The following SSH3 variants were observed in gnomAD, a reference collection of about 807,000 sequenced individuals.
The protein encoded by SSH3 is slingshot protein phosphatase 3.
In SSH3, 67 loss-of-function variants were observed where a neutral mutation model predicts 75.0. The ratio of observed to expected loss-of-function variants is 0.89; its 90% CI spans 0.73 to 1.10. The LOEUF is 1.10. SSH3 is among the 50% of genes least tolerant of loss of function. SSH3 has a pLI of 0.00. For missense variants in SSH3, 824 were observed against 872.7 expected (o/e 0.94, Z 0.70); for synonymous variants, 318 against 349.2 (o/e 0.91, Z 1.00).
At position 67,308,685 on chromosome 11, in the gene SSH3, A is replaced by G. The variant is rs373961024; in HGVS notation, c.1061+227A>G. Among the ~76,000 whole-genome samples, 1 of 152,004 alleles carries G rather than the reference A, an allele frequency of 6.6e-6. No individual in the cohort carries two copies. The highest frequency in any genetic ancestry group is 2.4e-5 in the African/African-American group (1 of 41,472). ...TCCTCCCCCATCCACACTGTGAAAC[A>G]AGGACAGAAACAAAGGGCCTCAGCC... On this transcript the variant is annotated intron_variant, in intron 10 of 13. Transcript: ENST00000308127. This position sits in a 1 kb window ranked among gnomAD's most constrained non-coding sequence, Gnocchi z 4.9.
At chr11:67,303,990 G>C (rs1861148831) in intron 1 of SSH3, 128 bp from the exon 2 acceptor site, 2 of 1,264,182 alleles carry the variant, frequency 1.6e-6, no homozygotes, top group Non-Finnish European at 2.2e-6. Flanking sequence ...GGTGGGGCGT[G>C]GACTGGGGTG....
Position 67,312,014 on chromosome 11 carries a change from C to T in SSH3, c.*127C>T, listed in dbSNP as rs1861426937. ...CCCCATACCCGTCACTACAGCCTCA[C>T]CTCCCACCCCTGTCACTACGGCCTC... On this transcript the variant is annotated 3_prime_UTR_variant, in exon 14 of 14. Transcript: ENST00000308127. 1.6e-6 allele frequency: 2 copies of T among 1,239,636 alleles called. No individual in the cohort carries two copies. The highest frequency in any genetic ancestry group is 1.6e-5 in the African/African-American group (1 of 62,610). 76.8% of individuals were successfully genotyped at this position (1,239,636 alleles called of 1,614,324 possible).
In SSH3 at chr11:67,308,589, C is replaced by G; in HGVS notation, c.1061+131C>G. ...CTGCTAGCTCTGCTTCTAACTCTGT[C>G]CTGGGGCTGTTGCCCTGGTGTGGGC... On this transcript the variant is annotated intron_variant, in intron 10 of 13. Transcript: ENST00000308127. This position sits in a 1 kb window ranked among gnomAD's most constrained non-coding sequence, Gnocchi z 4.9. 2 of 1,336,230 alleles carry G rather than the reference C, an allele frequency of 1.5e-6. No individual in the cohort carries two copies. Among genetic ancestry groups the G allele is most frequent in the Non-Finnish European group, 2.1e-6 (2 of 975,102 alleles). The allele number at this position is 1,336,230 out of a possible 1,614,324, so 82.8% of individuals were successfully genotyped here.
chr11:67,303,809 G>C, intron 1 of SSH3, 118 bp downstream of exon 1: 3 of 1,091,050 alleles, frequency 2.7e-6, no homozygotes, highest in Non-Finnish European at 3.7e-6. Context: ...CCCGGGGCTC[G>C]GGCTGGAGGG....
chr11:67,305,260 C>T (rs1391738441), intron 3 of SSH3, among the ~76,000 whole-genome samples: 8 of 151,798 alleles, frequency 5.3e-5, no homozygotes, highest in Non-Finnish European at 1.2e-4. Context: ...GATCTCGGCT[C>T]ACTGCAAGTT....
At position 67,308,720 on chromosome 11, in the gene SSH3, C is replaced by T. The variant is rs976463250; in HGVS notation, c.1061+262C>T. Among the ~76,000 whole-genome samples, 3 of 151,834 alleles carry T rather than the reference C, an allele frequency of 2.0e-5. No homozygotes were observed. The highest frequency in any genetic ancestry group is 4.4e-5 in the Non-Finnish European group (3 of 67,964). ...ACAAAGGGCCTCAGCCACGCCAAGACGAGAAGCAGCAGCGCATACTGCTGT... is the reference window on the plus strand; with the variant it reads ...ACAAAGGGCCTCAGCCACGCCAAGATGAGAAGCAGCAGCGCATACTGCTGT... On this transcript the variant is annotated intron_variant, in intron 10 of 13. Coordinates refer to ENST00000308127, the MANE Select transcript of SSH3 (RefSeq NM_017857.4). This position sits in a 1 kb window ranked among gnomAD's most constrained non-coding sequence, Gnocchi z 4.9.
chr11:67,309,885 C>T lies in SSH3; in HGVS notation c.1326C>T (p.His442=), dbSNP rs141358249. The T allele has an allele frequency of 3.2e-4, 513 of 1,612,160 alleles. No individual in the cohort carries two copies. Among genetic ancestry groups the T allele is most frequent in the Non-Finnish European group, 4.2e-4 (499 of 1,179,994 alleles). Residue 442 remains histidine (H), a synonymous_variant, in exon 12 of 14, where the codon CAC becomes CAT. Coordinates refer to ENST00000308127, the MANE Select transcript of SSH3 (RefSeq NM_017857.4). ...GCAGCCTGGAGCAGGCCCTGCGCCA[C>T]GTGCAGGAGCTCCGGCCCATCGCCC... ...YECSLEQALR[H]VQELRPIARP... is the part of the protein sequence containing the mutation.
At chr11:67,309,673 C>A in intron 11 of SSH3, 95 bp from the exon 12 acceptor site, 1 of 1,582,858 alleles carries the variant, frequency 6.3e-7, no homozygotes, top group Non-Finnish European at 8.6e-7. Flanking sequence ...CTTCTCTACT[C>A]TCAGTTGGTT....
intron 13 of SSH3, among the ~76,000 whole-genome samples, chr11:67,310,638 C>G (rs193287023): frequency 3.3e-5 from 5 of 152,096 alleles, no homozygotes; most frequent in Non-Finnish European, 7.4e-5. Context: ...TGAGGGCAGG[C>G]GGAGGCACTG....
chr11:67,303,928 C>A (rs1429259697), intron 1 of SSH3, 190 bp from the exon 2 acceptor site: 2 of 827,526 alleles, frequency 2.4e-6, no homozygotes. Context: ...CCGCCACACT[C>A]GGCGCCCACC....
At position 67,308,261 on chromosome 11, in the gene SSH3, C is replaced by T. The variant is rs1310398501; in HGVS notation, c.973C>T (p.Gln325Ter). ...CAACCAGATGCTGCTGCTGGTGGCA[C>T]AGCGGGACCGAGCCTCCCGCATCTT... The part of the protein sequence containing the change: ...IDNQMLLLVA[Q>*]RDRASRIFPH... The change falls in exon 9 of 14, where the codon CAG becomes TAG. Residue 325 changes from glutamine (Q) to a stop codon, truncating the protein, a stop_gained. Transcript: ENST00000308127. LOFTEE classifies it high-confidence loss of function. The surrounding 1 kb of genome is among the most constrained non-coding windows in gnomAD (Gnocchi z 4.9). The T allele has an allele frequency of 1.2e-6, 2 of 1,614,148 alleles. No homozygotes were observed.
chr11:67,307,132 AG>A lies in SSH3; in HGVS notation c.536+21del. The A allele has an allele frequency of 6.2e-7, 1 of 1,612,274 alleles. No homozygotes were observed. The highest frequency in any genetic ancestry group is 8.5e-7 in the Non-Finnish European group (1 of 1,179,758). On this transcript the variant is annotated intron_variant, in intron 5 of 13. Coordinates refer to ENST00000308127, the MANE Select transcript of SSH3 (RefSeq NM_017857.4). This position sits in a 1 kb window ranked among gnomAD's most constrained non-coding sequence, Gnocchi z 4.2. The stretch of plus-strand genomic sequence containing the variant: ...GAGACGGGTAAGCAATGGCAACTGG[AG>A]GTGGGGGCTGGAGGGTGGAATAACT...
In SSH3 at chr11:67,303,736, C is replaced by T. The variant is rs987619807; in HGVS notation, c.66+45C>T. Reference sequence around the variant, plus strand: ...GGTGCCGCCCACGCAGTTGCTGCCCCGGCTTGGGAGCGCGTCCTGCCCGCC... The same window carrying T: ...GGTGCCGCCCACGCAGTTGCTGCCCTGGCTTGGGAGCGCGTCCTGCCCGCC... On this transcript the variant is annotated intron_variant, in intron 1 of 13. Transcript: ENST00000308127. The T allele has an allele frequency of 2.7e-5, 39 of 1,433,416 alleles. No individual in the cohort carries two copies. The Admixed American group carries it at 9.9e-4, about 36-fold the overall frequency. The allele number at this position is 1,433,416 out of a possible 1,614,324, so 88.8% of individuals were successfully genotyped here.
At position 67,305,024 on chromosome 11, in the gene SSH3, A is replaced by G. The variant is rs761908731; in HGVS notation, c.339+17A>G. On this transcript the variant is annotated intron_variant, in intron 3 of 13. Coordinates refer to ENST00000308127, the MANE Select transcript of SSH3 (RefSeq NM_017857.4). ...ATCCGCCTGGTGAGGGCCCATGTGGAGCTCCGGGGGGTGGGGGGAAGAGAC... is the reference window on the plus strand; with the variant it reads ...ATCCGCCTGGTGAGGGCCCATGTGGGGCTCCGGGGGGTGGGGGGAAGAGAC... The G allele has an allele frequency of 5.4e-4, 865 of 1,588,602 alleles. 1 individual carries two copies. The highest frequency in any genetic ancestry group is 6.6e-4 in the Non-Finnish European group (767 of 1,169,046).
chr11:67,305,790 G>A (rs1387176681), intron 3 of SSH3, among the ~76,000 whole-genome samples: 1 of 152,144 alleles, frequency 6.6e-6, no homozygotes, highest in Non-Finnish European at 1.5e-5. Context: ...TGGAGCTGGA[G>A]CGCTCATGCT....
chr11:67,304,213 G>A, intron 2 of SSH3, 58 bp downstream of exon 2: 2 of 1,353,884 alleles, frequency 1.5e-6, no homozygotes, highest in Non-Finnish European at 1.0e-6. Flanking sequence ...GGCCACGGCC[G>A]TCCTGGGCTC....
Position 67,307,661 on chromosome 11 carries a change from G to A in SSH3, c.715G>A (p.Glu239Lys), listed in dbSNP as rs752829057. 3 of 1,614,026 alleles carry A rather than the reference G, an allele frequency of 1.9e-6. No individual in the cohort carries two copies. Among genetic ancestry groups the A allele is most frequent in the South Asian group, 1.1e-5 (1 of 91,072 alleles). The change falls in exon 7 of 14, where the codon GAA (glutamate) becomes AAA (lysine). Residue 239 changes from glutamate (E) to lysine (K), a missense_variant. Glu to Lys is a moderately conservative substitution (Grantham distance 56). Transcript: ENST00000308127. This position sits in a 1 kb window ranked among gnomAD's most constrained non-coding sequence, Gnocchi z 4.2. ...CCACTACCAGGAGAGACTGAACTCC[G>A]AACAGAGCTGCCTCAATGAGTGGAC... ...ASHYQERLNS[E>K]QSCLNEWTAM...
chr11:67,309,338 T>C (rs1168294286), intron 10 of SSH3, 59 bp from the exon 11 acceptor site: 17 of 1,601,580 alleles, frequency 1.1e-5, no homozygotes, highest in African/African-American at 4.0e-5. Context: ...CCAGGTCCGA[T>C]TGCCAGTGGG....
rs771481302 is a variant in SSH3 at position 67,307,704 on chromosome 11, A to G, written c.758A>G (p.Glu253Gly). 9.3e-6 allele frequency: 15 copies of G among 1,613,714 alleles called. No homozygotes were observed. Among genetic ancestry groups the G allele is most frequent in the Non-Finnish European group, 1.3e-5 (15 of 1,180,006 alleles). Residue 253 changes from glutamate (E) to glycine (G), a missense_variant, in exon 7 of 14, where the codon GAG becomes GGG. Physicochemically the swap from Glu to Gly is moderately conservative, Grantham distance 98. Transcript: ENST00000308127. The surrounding 1 kb of genome is among the most constrained non-coding windows in gnomAD (Gnocchi z 4.2). ...LNEWTAMADL[E>G]SLRPPSAEPG... The stretch of plus-strand genomic sequence containing the variant: ...GAGTGGACGGCTATGGCCGACCTGG[A>G]GTCTCTGCGGCCTCCCAGCGCCGAG...
Sources: gnomAD v4.1 joint callset for allele counts (sites outside exome capture counted in the v4.1 genomes callset) on GRCh38, gnomAD v4.1.1 for gene constraint, Gnocchi (gnomAD v3.1) non-coding constraint, MANE v1.5 for transcripts, NCBI Gene and HGNC (gene_info 2026-07-23, HGNC 2026-07-21) for gene names.